TNKS: variants seen among roughly 807,000 people sequenced by gnomAD.
TNKS encodes the protein poly [ADP-ribose] polymerase tankyrase-1.
TNKS carries 72 observed loss-of-function variants against 135.8 expected under a neutral mutation model. The observed-to-expected ratio is 0.53, with a 90% CI of 0.44 to 0.64. The LOEUF (loss-of-function observed/expected upper bound fraction) is 0.64, where lower values mean the gene tolerates loss of function less well. Among genes scored for constraint, TNKS ranks in the 30% least tolerant of loss-of-function variants. The pLI, the probability that TNKS is intolerant of heterozygous loss-of-function variation, is 0.00. For synonymous variants in TNKS, 849 were observed against 649.3 expected, an observed-to-expected ratio of 1.31 and a Z score of -4.68; for missense variants, 1,769 against 1,674.0, an observed-to-expected ratio of 1.06 and a Z score of -0.99.
chr8:9,557,006 C>A, intron 1 of TNKS: 1 of 318,462 alleles, frequency 3.1e-6, no homozygotes, highest in Non-Finnish European at 5.8e-6. Context: ...GAGGACAGTC[C>A]AGACCAAAAG....
intron 5 of TNKS, among the ~76,000 whole-genome samples, chr8:9,686,299 C>T (rs565352698): frequency 4.5e-4 from 68 of 152,236 alleles, no homozygotes; most frequent in African/African-American, 1.6e-3. Flanking sequence ...CACCTGAGTT[C>T]GTATGGAAGC....
intron 3 of TNKS, among the ~76,000 whole-genome samples, chr8:9,659,603 T>G (rs1801596641): frequency 6.6e-6 from 1 of 152,048 alleles, no homozygotes; most frequent in Admixed American, 6.5e-5. Context: ...GAGGGAAATT[T>G]ATAGCACTAA....
chr8:9,748,835 G>C (rs1806374918), intron 18 of TNKS, among the ~76,000 whole-genome samples: 1 of 152,186 alleles, frequency 6.6e-6, no homozygotes. Flanking sequence ...TTGGCTAGGA[G>C]ATTCTTCTGG....
intron 2 of TNKS, among the ~76,000 whole-genome samples, chr8:9,582,281 G>C (rs1264977177): frequency 6.6e-6 from 1 of 151,682 alleles, no homozygotes; most frequent in African/African-American, 2.4e-5. Flanking sequence ...TTCTGCTTTG[G>C]GATAGCTGGA....
At chr8:9,687,474 T>C (rs1431607189) in intron 5 of TNKS, among the ~76,000 whole-genome samples, 2 of 152,326 alleles carry the variant, frequency 1.3e-5, no homozygotes. Context: ...AATGAGGACT[T>C]GAAAATGTCT....
At chr8:9,752,119 C>G (rs937878249) in intron 19 of TNKS, among the ~76,000 whole-genome samples, 1 of 152,116 alleles carries the variant, frequency 6.6e-6, no homozygotes, top group Non-Finnish European at 1.5e-5. Context: ...CAGAACACAA[C>G]TGAGAGGTCA....
chr8:9,620,489 A>G (rs1007472348), intron 3 of TNKS, among the ~76,000 whole-genome samples: 1 of 152,198 alleles, frequency 6.6e-6, no homozygotes, highest in Non-Finnish European at 1.5e-5. Flanking sequence ...AATCAGCTCT[A>G]TAATCAGAAA....
At chr8:9,696,384 A>T (rs1452662392) in intron 5 of TNKS, among the ~76,000 whole-genome samples, 1 of 152,180 alleles carries the variant, frequency 6.6e-6, no homozygotes, top group Non-Finnish European at 1.5e-5. Flanking sequence ...TAATAAGGTC[A>T]GATAAGATAA....
chr8:9,592,096 A>G (rs1431309721), intron 2 of TNKS, among the ~76,000 whole-genome samples: 4 of 152,216 alleles, frequency 2.6e-5, no homozygotes, highest in Admixed American at 2.0e-4. Context: ...GAAAATAATT[A>G]TCTAAAATAT....
At chr8:9,745,469 A>T (rs576551061) in intron 17 of TNKS, among the ~76,000 whole-genome samples, 1 of 152,158 alleles carries the variant, frequency 6.6e-6, no homozygotes, top group African/African-American at 2.4e-5. Flanking sequence ...CAGTGGTGCA[A>T]TCTTGACTCA....
chr8:9,771,405 A>C (rs1157241387), intron 26 of TNKS, among the ~76,000 whole-genome samples: 2 of 99,540 alleles, frequency 2.0e-5, no homozygotes, highest in Non-Finnish European at 4.8e-5. Flanking sequence ...AGGGAAAGAA[A>C]GGGAGACAGA....
At chr8:9,710,099 A>G in intron 10 of TNKS, 43 bp from the exon 11 acceptor site, 1 of 1,612,898 alleles carries the variant, frequency 6.2e-7, no homozygotes, top group Middle Eastern at 1.7e-4. Context: ...AAATGCAATA[A>G]AAGAGAGACA....
chr8:9,622,709 T>C (rs1799910319), intron 3 of TNKS, among the ~76,000 whole-genome samples: 1 of 152,236 alleles, frequency 6.6e-6, no homozygotes, highest in African/African-American at 2.4e-5. Flanking sequence ...AATGTTCTTT[T>C]TTAGATTAAA....
rs185028021 is a variant in TNKS at position 9,560,706 on chromosome 8, C to G, written c.673+4094C>G. On this transcript the variant is annotated intron_variant, in intron 1 of 26. Coordinates refer to ENST00000310430, the MANE Select transcript of TNKS (RefSeq NM_003747.3). ...TATTACTTGTAAGCAAATGCCCTGT[C>G]TGAGGATGTAAGAAGGGTCTAATTT... 1.3e-4 allele frequency among the ~76,000 whole-genome samples: 20 copies of G among 151,818 alleles called. No homozygotes were observed. In the East Asian group the frequency reaches 1.5e-3, roughly 12 times the overall value.
intron 2 of TNKS, among the ~76,000 whole-genome samples, chr8:9,613,279 A>G (rs1439894345): frequency 1.3e-5 from 2 of 152,194 alleles, no homozygotes; most frequent in Non-Finnish European, 2.9e-5. Flanking sequence ...TTGAGAGTAC[A>G]CATTTTAACA....
Position 9,556,632 on chromosome 8 carries a change from T to C in TNKS, c.673+20T>C. 1 of 1,612,290 alleles carries C rather than the reference T, an allele frequency of 6.2e-7. No homozygotes were observed. The stretch of plus-strand genomic sequence containing the variant: ...CTGCAGGTCAGAGACTTTTGAATTG[T>C]TTATTAAGGGTTATGGGTTTGGGTG... On this transcript the variant is annotated intron_variant, in intron 1 of 26. Coordinates refer to ENST00000310430, the MANE Select transcript of TNKS (RefSeq NM_003747.3).
intron 3 of TNKS, among the ~76,000 whole-genome samples, chr8:9,621,106 C>T (rs1393459540): frequency 1.3e-5 from 2 of 152,122 alleles, no homozygotes; most frequent in East Asian, 3.8e-4. Context: ...TTTTGAATTG[C>T]ATATAGTCCT....
intron 3 of TNKS, among the ~76,000 whole-genome samples, chr8:9,665,454 T>C (rs1801941936): frequency 6.6e-6 from 1 of 152,228 alleles, no homozygotes; most frequent in Admixed American, 6.5e-5. Flanking sequence ...TCCACTTCTT[T>C]TAAGTTAGCA....
chr8:9,759,037 T>C (rs1324946909), intron 20 of TNKS, among the ~76,000 whole-genome samples: 1 of 152,192 alleles, frequency 6.6e-6, no homozygotes, highest in African/African-American at 2.4e-5. Flanking sequence ...TTCCTTGCCA[T>C]GTGAGCCTGT....
Sources: gnomAD v4.1 joint callset for allele counts (sites outside exome capture counted in the v4.1 genomes callset) on GRCh38, gnomAD v4.1.1 for gene constraint, MANE v1.5 for transcripts, NCBI Gene and HGNC (gene_info 2026-07-23, HGNC 2026-07-21) for gene names.